Variants in GPHN observed in about 807,000 individuals in gnomAD.
GPHN encodes gephyrin.
A neutral mutation model predicts 95.5 loss-of-function variants in GPHN; 17 were observed. That is an observed-to-expected ratio of 0.18 (90% confidence interval 0.12 to 0.27). GPHN has a LOEUF of 0.27. GPHN is among the 10% of genes least tolerant of loss of function. The pLI, the probability that GPHN is intolerant of heterozygous loss-of-function variation, is 1.00. For missense variants in GPHN, 660 were observed against 978.1 expected (o/e 0.67, Z 4.34); for synonymous variants, 320 against 322.5 (o/e 0.99, Z 0.08).
At chr14:67,548,971 T>C in the GPHN span, among the ~76,000 whole-genome samples, 6 of 152,196 alleles carry the variant, frequency 3.9e-5, no homozygotes, top group African/African-American at 1.4e-4. Context: ...ATGTTGCTCC[T>C]TCCACCTCAT....
chr14:66,656,040 G>T (rs1438995704), intron 1 of GPHN, among the ~76,000 whole-genome samples: 1 of 152,014 alleles, frequency 6.6e-6, no homozygotes, highest in Non-Finnish European at 1.5e-5. Flanking sequence ...ATTCACATGA[G>T]AAATATTTGT....
intron 18 of GPHN, among the ~76,000 whole-genome samples, chr14:67,151,505 C>T (rs530340555): frequency 6.6e-6 from 1 of 152,128 alleles, no homozygotes; most frequent in Non-Finnish European, 1.5e-5. Context: ...CCTTATTGGC[C>T]GTGTGCAGAA....
chr14:67,587,253 T>C, the GPHN span: 2 of 1,613,226 alleles, frequency 1.2e-6, no homozygotes, highest in African/African-American at 1.3e-5. Flanking sequence ...TCCTACCCGA[T>C]TCCCCAACAC....
At chr14:66,968,411 A>C (rs2153589664) in intron 9 of GPHN, among the ~76,000 whole-genome samples, 2 of 152,188 alleles carry the variant, frequency 1.3e-5, no homozygotes, top group Middle Eastern at 6.8e-3. Flanking sequence ...TTTTTACTGC[A>C]TCTTGGTTAT....
the GPHN span, among the ~76,000 whole-genome samples, chr14:67,595,390 C>A: frequency 3.3e-5 from 5 of 152,124 alleles, no homozygotes; most frequent in African/African-American, 1.2e-4. Flanking sequence ...GTCAAACCAT[C>A]GTAAGTTGGG....
chr14:66,569,730 C>CGT (rs2060603810), intron 1 of GPHN, among the ~76,000 whole-genome samples: 1 of 150,448 alleles, frequency 6.6e-6, no homozygotes, highest in Admixed American at 6.6e-5. Context: ...TGTTTTGTTA[C>CGT]ATATATATAT....
chr14:66,591,334 G>T lies in GPHN; in HGVS notation c.64+82743G>T, dbSNP rs368850876. The stretch of plus-strand genomic sequence containing the variant: ...AATCAGGCAAGAGAAAGAAATAAAG[G>T]GTATTCAAATAGGAATAGAAGACGT... On this transcript the variant is annotated intron_variant, in intron 1 of 22. Transcript: ENST00000478722. 9.9e-5 allele frequency among the ~76,000 whole-genome samples: 15 copies of T among 152,044 alleles called. No individual in the cohort carries two copies. The East Asian group carries it at 1.5e-3, about 16-fold the overall frequency.
At chr14:67,730,707 G>T in the GPHN span, among the ~76,000 whole-genome samples, 2 of 152,164 alleles carry the variant, frequency 1.3e-5, no homozygotes, top group African/African-American at 4.8e-5. Context: ...GGGTTCAAGC[G>T]ATTCTCCTGA....
the GPHN span, among the ~76,000 whole-genome samples, chr14:67,634,675 C>A: frequency 6.6e-6 from 1 of 151,594 alleles, no homozygotes; most frequent in East Asian, 1.9e-4. Context: ...TAAACCAGGA[C>A]ATCAGTAGAT....
At chr14:67,455,154 T>C in the GPHN span, among the ~76,000 whole-genome samples, 1 of 152,202 alleles carries the variant, frequency 6.6e-6, no homozygotes, top group Admixed American at 6.5e-5. Flanking sequence ...AGGGCAGCTT[T>C]CTTATTGAGC....
At chr14:66,546,802 G>A (rs1033697290) in intron 1 of GPHN, among the ~76,000 whole-genome samples, 1 of 149,480 alleles carries the variant, frequency 6.7e-6, no homozygotes, top group African/African-American at 2.5e-5. Context: ...AGGGAGAGGG[G>A]GAGGGGGAGG....
At chr14:66,990,717 G>A (rs1442930138) in intron 9 of GPHN, among the ~76,000 whole-genome samples, 1 of 151,580 alleles carries the variant, frequency 6.6e-6, no homozygotes, top group African/African-American at 2.4e-5. Flanking sequence ...CAGATTATGT[G>A]GCCCATAAAG....
chr14:66,842,856 G>C, intron 4 of GPHN: 1 of 646,728 alleles, frequency 1.5e-6, no homozygotes, highest in Non-Finnish European at 2.7e-6. Flanking sequence ...ATGTATCTAT[G>C]TTCTAGGGTC....
chr14:67,651,327 T>TAACA, the GPHN span: 5 of 1,610,856 alleles, frequency 3.1e-6, no homozygotes, highest in African/African-American at 4.0e-5. Context: ...TCCACATCCC[T>TAACA]AACATCATGC....
rs544690760 is a variant in GPHN, at chr14:67,171,638, G to T, written c.2079+2602G>T. Among the ~76,000 whole-genome samples, 9 of 152,172 alleles carry T rather than the reference G, an allele frequency of 5.9e-5. No homozygotes were observed. In the South Asian group the frequency reaches 1.9e-3, roughly 32 times the overall value. Reference sequence around the variant, plus strand: ...TGTTCTAGAGGATAGCCAACTATAAGTCCCTCATGCCCATCCCCCCCTCAC... The same window carrying T: ...TGTTCTAGAGGATAGCCAACTATAATTCCCTCATGCCCATCCCCCCCTCAC... On this transcript the variant is annotated intron_variant, in intron 21 of 22. Coordinates refer to ENST00000478722, the MANE Select transcript of GPHN (RefSeq NM_020806.5).
At chr14:67,699,239 G>A in the GPHN span, among the ~76,000 whole-genome samples, 5 of 150,550 alleles carry the variant, frequency 3.3e-5, no homozygotes, top group Non-Finnish European at 7.4e-5. Context: ...GGCGACAAGA[G>A]CGAGACTCTA....
chr14:66,746,181 C>T (rs2058141852), intron 2 of GPHN, among the ~76,000 whole-genome samples: 1 of 152,064 alleles, frequency 6.6e-6, no homozygotes, highest in African/African-American at 2.4e-5. Context: ...GTTTTCATTT[C>T]TCTATAAATA....
At chr14:67,587,083 G>A in the GPHN span, 2 of 1,605,344 alleles carry the variant, frequency 1.2e-6, no homozygotes, top group South Asian at 1.1e-5. Flanking sequence ...GATTGCAGAA[G>A]CTACCTTCAT....
At chr14:66,801,580 ACTCT>A (rs149626370) in intron 3 of GPHN, among the ~76,000 whole-genome samples, 4 of 34,610 alleles carry the variant, frequency 1.2e-4, no homozygotes, top group East Asian at 9.7e-4. Flanking sequence ...CCCTCTCCCC[ACTCT>A]CTCTCTCTCT....
Sources: gnomAD v4.1 joint callset for allele counts (sites outside exome capture counted in the v4.1 genomes callset) on GRCh38, gnomAD v4.1.1 for gene constraint, MANE v1.5 for transcripts, NCBI Gene and HGNC (gene_info 2026-07-23, HGNC 2026-07-21) for gene names.